PPIL4: variants seen among roughly 807,000 people sequenced by gnomAD.
PPIL4 encodes the protein peptidylprolyl isomerase like 4.
PPIL4 carries 50 observed loss-of-function variants against 69.1 expected under a neutral mutation model. That is an observed-to-expected ratio of 0.72 (90% CI 0.58 to 0.92). The LOEUF (loss-of-function observed/expected upper bound fraction) is 0.92. Among genes scored for constraint, PPIL4 ranks in the 40% least tolerant of loss-of-function variants. The probability of loss-of-function intolerance (pLI) is 0.00; values close to 1 mark genes in which losing one functional copy is unlikely to be tolerated. For synonymous variants in PPIL4, 193 were observed against 191.6 expected (o/e 1.01, Z -0.06); for missense variants, 480 against 587.9 (o/e 0.82, Z 1.90).
At chr6:149,525,996 G>A (rs1777100148) in intron 8 of PPIL4, among the ~76,000 whole-genome samples, 1 of 152,148 alleles carries the variant, frequency 6.6e-6, no homozygotes, top group African/African-American at 2.4e-5. Flanking sequence ...CTACTCAGGA[G>A]GCTGAGGCAG....
In PPIL4 at chr6:149,505,611, G is replaced by A. The variant is rs754134572; in HGVS notation, c.1321C>T (p.Arg441Ter). 6 of 1,613,872 alleles carry A rather than the reference G, an allele frequency of 3.7e-6. No individual in the cohort carries two copies. The highest frequency in any genetic ancestry group is 3.3e-5 in the South Asian group (3 of 91,072). Residue 441 changes from arginine (R) to a stop codon, truncating the protein, a stop_gained, in exon 13 of 13, where the codon CGA becomes TGA. Transcript: ENST00000253329. LOFTEE classifies it high-confidence loss of function. Reference protein sequence around the residue: ...KSEKRDRTQNRSRSRSRERDG... With the variant: ...KSEKRDRTQN ...CTCTCTCGAGATCGGCTACGACTTC[G>A]GTTCTGAGTTCGGTCTCTCTTTTCA...
chr6:149,504,872 G>C lies in PPIL4; in HGVS notation c.*581C>G, dbSNP rs951781704. 2 of 152,144 alleles carry C rather than the reference G, an allele frequency of 1.3e-5. No homozygotes were observed. The highest frequency in any genetic ancestry group is 4.8e-5 in the African/African-American group (2 of 41,414). 9.4% of individuals were successfully genotyped at this position (152,144 alleles called of 1,614,324 possible). The stretch of plus-strand genomic sequence containing the variant: ...GTCCATCAAGAATGAATAAGTTGTA[G>C]TATATTTATATAATACTATATAGCA... On this transcript the variant is annotated 3_prime_UTR_variant, in exon 13 of 13. Transcript: ENST00000253329.
intron 9 of PPIL4, among the ~76,000 whole-genome samples, chr6:149,521,868 C>T (rs541460108): frequency 1.1e-4 from 16 of 152,194 alleles, no homozygotes; most frequent in Non-Finnish European, 2.1e-4. Flanking sequence ...TCCTTCCTGT[C>T]AGTAACTTCA....
Position 149,526,446 on chromosome 6 carries a change from TTATC to T in PPIL4, c.803+202_803+205del, listed in dbSNP as rs1777108463. ...TGTTGAGAGTGGGAGATTCAATTATTTATCTGTGTGTGTGTGTGCACGTATGTAT... is the reference window on the plus strand; with the variant it reads ...TGTTGAGAGTGGGAGATTCAATTATTTGTGTGTGTGTGTGCACGTATGTAT... On this transcript the variant is annotated intron_variant, in intron 8 of 12. Transcript: ENST00000253329. Among the ~76,000 whole-genome samples the T allele has an allele frequency of 1.1e-4, 17 of 152,142 alleles. No individual in the cohort carries two copies. In the South Asian group the frequency reaches 3.5e-3, roughly 32 times the overall value.
intron 9 of PPIL4, among the ~76,000 whole-genome samples, chr6:149,523,820 A>T (rs1777066535): frequency 6.6e-6 from 1 of 152,236 alleles, no homozygotes; most frequent in Admixed American, 6.5e-5. Flanking sequence ...TAGATTCTAT[A>T]GTGTCAATGA....
chr6:149,526,115 A>C (rs1045298711), intron 8 of PPIL4, among the ~76,000 whole-genome samples: 1 of 152,014 alleles, frequency 6.6e-6, no homozygotes, highest in Non-Finnish European at 1.5e-5. Flanking sequence ...ATAAACAAAA[A>C]TAAATAAAAT....
chr6:149,529,313 C>T (rs890664501), intron 7 of PPIL4, among the ~76,000 whole-genome samples: 9 of 151,664 alleles, frequency 5.9e-5, no homozygotes, highest in Non-Finnish European at 1.3e-4. Flanking sequence ...ATAAAATTAG[C>T]CGGGCATGGT....
intron 11 of PPIL4, among the ~76,000 whole-genome samples, chr6:149,512,891 T>A (rs541072618): frequency 1.3e-5 from 2 of 151,926 alleles, no homozygotes; most frequent in Admixed American, 1.3e-4. Flanking sequence ...TACAGGCACA[T>A]GCCACCACGC....
intron 4 of PPIL4, among the ~76,000 whole-genome samples, chr6:149,539,789 TTA>T (rs1777333277): frequency 6.6e-6 from 1 of 152,114 alleles, no homozygotes; most frequent in African/African-American, 2.4e-5. Flanking sequence ...AGCAAAAAGA[TTA>T]TGATTTACTG....
At chr6:149,545,004 T>C (rs1777417535) in intron 1 of PPIL4, among the ~76,000 whole-genome samples, 1 of 152,276 alleles carries the variant, frequency 6.6e-6, no homozygotes, top group Middle Eastern at 3.4e-3. Flanking sequence ...TCAAAACAAG[T>C]ATGCCATGCC....
rs1287149726 is a variant in PPIL4, at chr6:149,533,514, C to T, written c.622G>A (p.Val208Ile). ...DDFKGRSAEEVEEIKAEKEAK... is the reference protein window; with the variant it reads ...DDFKGRSAEEIEEIKAEKEAK... ...TCTTTTTCTGCCTTTATTTCTTCTACTTCCTCAGCTGATCTTCCTTTGAAA... is the reference window on the plus strand; with the variant it reads ...TCTTTTTCTGCCTTTATTTCTTCTATTTCCTCAGCTGATCTTCCTTTGAAA... Residue 208 changes from valine to isoleucine, a missense_variant, in exon 7 of 13, where the codon GTA (valine) becomes ATA (isoleucine). By Grantham distance (29) the Val-to-Ile change is conservative. Coordinates refer to ENST00000253329, the MANE Select transcript of PPIL4 (RefSeq NM_139126.4). The T allele has an allele frequency of 6.2e-7, 1 of 1,612,642 alleles. No individual in the cohort carries two copies. The highest frequency in any genetic ancestry group is 8.5e-7 in the Non-Finnish European group (1 of 1,179,106).
chr6:149,537,247 T>C (rs1197052993), intron 4 of PPIL4, among the ~76,000 whole-genome samples: 1 of 152,188 alleles, frequency 6.6e-6, no homozygotes, highest in African/African-American at 2.4e-5. Context: ...CAGCCTTATA[T>C]TGGAAGATGC....
Position 149,542,915 on chromosome 6 carries a change from T to C in PPIL4, c.71-1329A>G, listed in dbSNP as rs116315241. Among the ~76,000 whole-genome samples the C allele has an allele frequency of 8.4e-3, 1,285 of 152,278 alleles. 22 individuals are homozygous for C. Among genetic ancestry groups the C allele is most frequent in the African/African-American group, 0.029 (1,222 of 41,554 alleles). On this transcript the variant is annotated intron_variant, in intron 1 of 12. Coordinates refer to ENST00000253329, the MANE Select transcript of PPIL4 (RefSeq NM_139126.4). ...GCATGAAAAGACTGGAGAGATAAGA[T>C]GGGGCTGAGCTGTTGAAGAGTGCTG...
At chr6:149,529,653 C>T (rs1777161969) in intron 7 of PPIL4, among the ~76,000 whole-genome samples, 1 of 151,042 alleles carries the variant, frequency 6.6e-6, no homozygotes, top group Non-Finnish European at 1.5e-5. Flanking sequence ...GTCCCAGCTA[C>T]TCAGGAGGCT....
At chr6:149,526,517 C>T in intron 8 of PPIL4, 135 bp downstream of exon 8, 1 of 723,510 alleles carries the variant, frequency 1.4e-6, no homozygotes, top group East Asian at 2.6e-5. Flanking sequence ...CCCTACTGTC[C>T]AAAGACTCAC....
chr6:149,539,255 G>A (rs1444454774), intron 4 of PPIL4, among the ~76,000 whole-genome samples: 1 of 152,238 alleles, frequency 6.6e-6, no homozygotes, highest in Non-Finnish European at 1.5e-5. Context: ...TACAGTAGTA[G>A]CAGGGTCTGA....
intron 9 of PPIL4, among the ~76,000 whole-genome samples, chr6:149,524,435 C>T (rs1490971931): frequency 1.3e-5 from 2 of 152,132 alleles, no homozygotes; most frequent in Admixed American, 6.5e-5. Context: ...CTAGAAAGAA[C>T]GGTTAACTAA....
chr6:149,512,633 T>G (rs1263205090), intron 11 of PPIL4, among the ~76,000 whole-genome samples: 2 of 152,162 alleles, frequency 1.3e-5, no homozygotes, highest in Non-Finnish European at 2.9e-5. Context: ...TATTATAAAT[T>G]CCAATGCCCA....
intron 12 of PPIL4, among the ~76,000 whole-genome samples, chr6:149,508,317 G>A (rs941469405): frequency 3.5e-4 from 53 of 152,208 alleles, no homozygotes; most frequent in African/African-American, 1.3e-3. Flanking sequence ...TCTAAAGTGA[G>A]ATAAATGAAT....
Sources: allele counts gnomAD v4.1 joint callset (sites outside exome capture counted in the v4.1 genomes callset), GRCh38; gene constraint gnomAD v4.1.1; transcripts MANE v1.5; gene names NCBI Gene and HGNC (gene_info 2026-07-23, HGNC 2026-07-21).